The following MTIF2 variants were observed in gnomAD, a reference collection of about 807,000 sequenced individuals.
MTIF2 encodes translation initiation factor IF-2, mitochondrial.
MTIF2 carries 71 observed loss-of-function variants against 83.5 expected under a neutral mutation model. The ratio of observed to expected loss-of-function variants is 0.85; its 90% CI spans 0.70 to 1.04. MTIF2 has a LOEUF of 1.04. MTIF2 is among the 50% of genes least tolerant of loss of function. The pLI is 0.00. For synonymous variants in MTIF2, 319 were observed against 287.1 expected (o/e 1.11, Z -1.12); for missense variants, 957 against 846.5 (o/e 1.13, Z -1.62).
intron 5 of MTIF2, among the ~76,000 whole-genome samples, chr2:55,260,992 C>CTT (rs34082053): frequency 4.1e-5 from 6 of 145,146 alleles, no homozygotes; most frequent in Non-Finnish European, 6.1e-5. Context: ...ACCAGTATTT[C>CTT]TTTTTTTTTT....
At chr2:55,244,333 C>G in intron 10 of MTIF2, 100 bp from the exon 11 acceptor site, 1 of 879,238 alleles carries the variant, frequency 1.1e-6, no homozygotes, top group Admixed American at 2.7e-5. Flanking sequence ...TGTGTATACA[C>G]AAGATTAATT....
At chr2:55,263,551 G>T (rs139891571) in intron 4 of MTIF2, 89 bp downstream of exon 4, 2 of 971,372 alleles carry the variant, frequency 2.1e-6, no homozygotes, top group African/African-American at 1.6e-5. Flanking sequence ...CGTAGGTTGC[G>T]GTGAGCTGAG....
At position 55,243,557 on chromosome 2, in the gene MTIF2, G is replaced by A. The variant is rs1676478671; in HGVS notation, c.1423C>T (p.Gln475Ter). Residue 475 changes from glutamine to a stop codon, truncating the protein, a stop_gained, in exon 12 of 16, where the codon CAG becomes TAG. Transcript: ENST00000263629. LOFTEE classifies it high-confidence loss of function. ...EKRKEHKEAH[Q>*]KAREKYGHLL... ...TGGCCATACTTCTCACGGGCTTTCTGATGTGCTTCTTTGTGTTCCTTTCGC... is the reference window on the plus strand; with the variant it reads ...TGGCCATACTTCTCACGGGCTTTCTAATGTGCTTCTTTGTGTTCCTTTCGC... 1.2e-6 allele frequency: 2 copies of A among 1,614,022 alleles called. No individual in the cohort carries two copies. The highest frequency in any genetic ancestry group is 1.7e-6 in the Non-Finnish European group (2 of 1,179,986).
chr2:55,244,324 G>T, intron 10 of MTIF2, 91 bp from the exon 11 acceptor site: 1 of 940,854 alleles, frequency 1.1e-6, no homozygotes, highest in Non-Finnish European at 1.6e-6. Flanking sequence ...ATATAAACAT[G>T]TGTATACACA....
chr2:55,263,925 G>T, intron 3 of MTIF2, 60 bp from the exon 4 acceptor site: 1 of 1,266,592 alleles, frequency 7.9e-7, no homozygotes. Context: ...ATATTAATTG[G>T]ATATTTACTA....
rs371039260 is a variant in MTIF2, at chr2:55,249,405, G to A, written c.971C>T (p.Ser324Phe). 2 of 1,614,050 alleles carry A rather than the reference G, an allele frequency of 1.2e-6. No homozygotes were observed. Among genetic ancestry groups the A allele is most frequent in the Non-Finnish European group, 1.7e-6 (2 of 1,179,978 alleles). ...YGGDVQAVPV[S>F]ALTGDNLMAL... ...GGTCCCCGCATTTACCGTAAGTGCG[G>A]AGACAGGCACTGCTTGAACATCACC... is the stretch of plus-strand genomic sequence containing the variant. Residue 324 changes from serine to phenylalanine, a missense_variant, in exon 9 of 16, where the codon TCC becomes TTC. Physicochemically the swap from Ser to Phe is radical, Grantham distance 155 (BLOSUM62 -2). Around this residue, in one of 3 missense-constraint regions of MTIF2, gnomAD observed 733 missense variants for 648.7 expected, o/e 1.13. Transcript: ENST00000263629.
chr2:55,267,734 G>A (rs1678541810), intron 2 of MTIF2, 99 bp from the exon 3 acceptor site: 1 of 152,618 alleles, frequency 6.6e-6, no homozygotes, highest in Non-Finnish European at 1.5e-5. Context: ...TTTATCATCA[G>A]CTATTTTAAA....
chr2:55,249,579 A>C, intron 8 of MTIF2, 45 bp from the exon 9 acceptor site: 1 of 1,599,010 alleles, frequency 6.3e-7, no homozygotes, highest in Non-Finnish European at 8.5e-7. Flanking sequence ...TGACACCTTC[A>C]ATTCCAGGTA....
intron 9 of MTIF2, 90 bp downstream of exon 9, chr2:55,249,305 A>G (rs1161810027): frequency 1.4e-6 from 2 of 1,467,262 alleles, no homozygotes; most frequent in Non-Finnish European, 1.8e-6. Flanking sequence ...CAAATTATGT[A>G]CATCAAAATG....
At chr2:55,244,455 C>G (rs1676548314) in intron 10 of MTIF2, among the ~76,000 whole-genome samples, 2 of 152,198 alleles carry the variant, frequency 1.3e-5, no homozygotes, top group East Asian at 3.8e-4. Context: ...AGAGGATCAC[C>G]TGAGCCCAGG....
chr2:55,252,226 GA>G (rs372091922), intron 8 of MTIF2, among the ~76,000 whole-genome samples: 7 of 149,782 alleles, frequency 4.7e-5, no homozygotes, highest in African/African-American at 7.4e-5. Flanking sequence ...ATAAAAAGTT[GA>G]AAAAAAAAGG....
rs1303598712 is a variant in MTIF2, at chr2:55,240,029, C to G, written c.1852G>C (p.Val618Leu). ...CACTCACCTACTGGGTGCTCTTCCA[C>G]AGCACAGGGTAATCTGCTGCTCAGT... ...EELSSRLPCAVEEHPVGEASI... is the reference protein window; with the variant it reads ...EELSSRLPCALEEHPVGEASI... The change falls in exon 14 of 16, where the codon GTG (valine) becomes CTG (leucine). Residue 618 changes from valine to leucine, a missense_variant. Val to Leu is a conservative substitution (Grantham distance 32, BLOSUM62 1). This residue lies in a region of MTIF2 where 221 missense variants were observed against 180.6 expected (regional missense o/e 1.22). Coordinates refer to ENST00000263629, the MANE Select transcript of MTIF2 (RefSeq NM_002453.3). The G allele has an allele frequency of 1.2e-6, 2 of 1,610,652 alleles. No homozygotes were observed. Among genetic ancestry groups the G allele is most frequent in the Non-Finnish European group, 1.7e-6 (2 of 1,178,206 alleles).
chr2:55,255,313 G>A (rs1037215210), intron 5 of MTIF2, among the ~76,000 whole-genome samples: 1 of 149,518 alleles, frequency 6.7e-6, no homozygotes, highest in Non-Finnish European at 1.5e-5. Context: ...CAAGCCTTTA[G>A]TCACATTTCA....
At chr2:55,238,148 GTTC>G (rs1264014826) in intron 14 of MTIF2, among the ~76,000 whole-genome samples, 1 of 151,932 alleles carries the variant, frequency 6.6e-6, no homozygotes, top group East Asian at 1.9e-4. Context: ...GGCTCAAGCA[GTTC>G]TTCTAGATAG....
chr2:55,268,468 C>T (rs552395260), intron 2 of MTIF2, 110 bp downstream of exon 2: 1 of 151,956 alleles, frequency 6.6e-6, no homozygotes, highest in East Asian at 1.9e-4. Context: ...GGAGGAAGGA[C>T]CCTACGAGAT....
At chr2:55,248,138 C>T (rs541350704) in intron 9 of MTIF2, among the ~76,000 whole-genome samples, 1 of 152,306 alleles carries the variant, frequency 6.6e-6, no homozygotes, top group Non-Finnish European at 1.5e-5. Flanking sequence ...ATCTGACCAC[C>T]TCGGCCTCCC....
Position 55,262,352 on chromosome 2 carries a change from T to A in MTIF2, c.295A>T (p.Ile99Phe), listed in dbSNP as rs376893700. 1.9e-6 allele frequency: 3 copies of A among 1,613,678 alleles called. No homozygotes were observed. Among genetic ancestry groups the A allele is most frequent in the Non-Finnish European group, 2.5e-6 (3 of 1,179,768 alleles). Residue 99 changes from isoleucine to phenylalanine, a missense_variant, in exon 5 of 16, where the codon ATT becomes TTT. Around this residue, in one of 3 missense-constraint regions of MTIF2, gnomAD observed 733 missense variants for 648.7 expected, o/e 1.13. Coordinates refer to ENST00000263629, the MANE Select transcript of MTIF2 (RefSeq NM_002453.3). ...TCCATTGCCCTGGCCAGTTCCTCAA[T>A]AGTCATTCCAATCCATACTTCTACC... is the stretch of plus-strand genomic sequence containing the variant. ...KVVEVWIGMTIEELARAMEKN... is the reference protein window; with the variant it reads ...KVVEVWIGMTFEELARAMEKN...
rs576393127 is a variant in MTIF2, at chr2:55,258,689, G to A, written c.331+3627C>T. Among the ~76,000 whole-genome samples the A allele has an allele frequency of 3.0e-3, 462 of 151,944 alleles. 3 individuals are homozygous for A. The highest frequency in any genetic ancestry group is 0.011 in the African/African-American group (450 of 41,422). ...TAGCCAGGCGTGGTGGCACATGCCT[G>A]TAGTCCCAGCTACTCGGGAGGCTGA... On this transcript the variant is annotated intron_variant, in intron 5 of 15. Coordinates refer to ENST00000263629, the MANE Select transcript of MTIF2 (RefSeq NM_002453.3).
chr2:55,241,489 A>C (rs1676305750), intron 13 of MTIF2, among the ~76,000 whole-genome samples: 1 of 152,050 alleles, frequency 6.6e-6, no homozygotes, highest in Non-Finnish European at 1.5e-5. Context: ...GAATGAAAAA[A>C]ATTAACCCAA....
Sources: allele counts gnomAD v4.1 joint callset (sites outside exome capture counted in the v4.1 genomes callset), GRCh38; gene constraint gnomAD v4.1.1; regional missense constraint gnomAD v4.1.1; transcripts MANE v1.5; gene names NCBI Gene and HGNC (gene_info 2026-07-23, HGNC 2026-07-21).